TOP2B: variants seen among roughly 807,000 people sequenced by gnomAD.
TOP2B encodes the protein DNA topoisomerase II beta.
A neutral mutation model predicts 193.5 loss-of-function variants in TOP2B; 51 were observed. The ratio of observed to expected loss-of-function variants is 0.26; its 90% CI spans 0.21 to 0.33. TOP2B has a LOEUF of 0.33. Among genes scored for constraint, TOP2B ranks in the 10% least tolerant of loss-of-function variants. The pLI is 1.00. For missense variants in TOP2B, 1,378 were observed against 1,909.3 expected (o/e 0.72, Z 5.19); for synonymous variants, 634 against 635.7 (o/e 1.00, Z 0.04).
intron 1 of TOP2B, among the ~76,000 whole-genome samples, chr3:25,657,809 C>T (rs1424395534): frequency 6.6e-6 from 1 of 152,156 alleles, no homozygotes; most frequent in Non-Finnish European, 1.5e-5. Flanking sequence ...CGCCTGTAAT[C>T]CCAGCACTTT....
intron 28 of TOP2B, 90 bp downstream of exon 28, chr3:25,612,425 G>C: frequency 1.1e-6 from 1 of 939,588 alleles, no homozygotes; most frequent in Non-Finnish European, 1.5e-6. Context: ...ATAAAACAAA[G>C]CATGATTTAA....
rs1187963746 is a variant in TOP2B, at chr3:25,664,828, A to T, written c.-531T>A. 1.0e-6 allele frequency: 1 copy of T among 988,984 alleles called. No homozygotes were observed. Among genetic ancestry groups the T allele is most frequent in the African/African-American group, 1.8e-5 (1 of 56,564 alleles). The allele number at this position is 988,984 out of a possible 1,614,324, so 61.3% of individuals were successfully genotyped here. On this transcript the variant is annotated 5_prime_UTR_variant, in exon 1 of 36. Coordinates refer to ENST00000264331, the MANE Select transcript of TOP2B (RefSeq NM_001330700.2). ...AGCCCCGATTTCCTCACACACACACACCGAGAGGGACAATAAACAGAGCCG... is the reference window on the plus strand; with the variant it reads ...AGCCCCGATTTCCTCACACACACACTCCGAGAGGGACAATAAACAGAGCCG...
rs1701980872 is a variant in TOP2B, at chr3:25,598,326, T to C, written c.4862A>G (p.Asp1621Gly). The C allele has an allele frequency of 6.2e-7, 1 of 1,609,308 alleles. No individual in the cohort carries two copies. The highest frequency in any genetic ancestry group is 1.1e-5 in the South Asian group (1 of 90,032). ...GGGCACTTAATTAAACATTGCAAAATCAACATCATCTTCTTCTTCATCAGA... is the reference window on the plus strand; with the variant it reads ...GGGCACTTAATTAAACATTGCAAAACCAACATCATCTTCTTCTTCATCAGA... ...AESDEEEDDV[D>G]FAMFN Residue 1621 changes from aspartate (D) to glycine (G), a missense_variant, in exon 36 of 36, where the codon GAT becomes GGT. Around this residue, in one of 9 missense-constraint regions of TOP2B, gnomAD observed 556 missense variants for 584.2 expected, o/e 0.95. Coordinates refer to ENST00000264331, the MANE Select transcript of TOP2B (RefSeq NM_001330700.2).
At chr3:25,612,746 A>G (rs369536220) in intron 27 of TOP2B, 37 bp from the exon 28 acceptor site, 1 of 1,513,098 alleles carries the variant, frequency 6.6e-7, no homozygotes, top group African/African-American at 1.4e-5. Flanking sequence ...AACATAAACA[A>G]CTTCTTAGAA....
chr3:25,639,390 C>T (rs1046377312), intron 4 of TOP2B, among the ~76,000 whole-genome samples: 11 of 152,190 alleles, frequency 7.2e-5, no homozygotes, highest in African/African-American at 2.7e-4. Context: ...CTCACTCAAC[C>T]TCTGCCTCCT....
rs755687032 is a variant in TOP2B, at chr3:25,638,271, G to A, written c.435C>T (p.Gly145=). The part of the protein sequence containing the change: ...NIISIWNNGK[G]IPVVEHKVEK... ...CTACCTTGTGTTCTACTACTGGAAT[G>A]CCTTTCCCATTATTCCAAATGCTTA... Residue 145 remains glycine (G), a synonymous_variant, in exon 5 of 36, where the codon GGC becomes GGT. Coordinates refer to ENST00000264331, the MANE Select transcript of TOP2B (RefSeq NM_001330700.2). 1.8e-5 allele frequency: 24 copies of A among 1,311,674 alleles called. No homozygotes were observed. In the South Asian group the frequency reaches 2.2e-4, roughly 12 times the overall value. 81.3% of individuals were successfully genotyped at this position (1,311,674 alleles called of 1,614,324 possible).
Position 25,601,191 on chromosome 3 carries a change from C to A in TOP2B, c.4524G>T (p.Lys1508Asn). The A allele has an allele frequency of 6.2e-7, 1 of 1,613,728 alleles. No homozygotes were observed. The highest frequency in any genetic ancestry group is 8.5e-7 in the Non-Finnish European group (1 of 1,179,720). ...CTACTTTCTTCTGTTTTGGGGCTCT[C>A]TTGGGCTTAGGGACTGTATCTGAAG... ...KPSSDTVPKP[K>N]RAPKQKKVVE... Residue 1508 changes from lysine to asparagine, a missense_variant, in exon 34 of 36, where the codon AAG becomes AAT. Physicochemically the swap from Lys to Asn is moderately conservative, Grantham distance 94. Transcript: ENST00000264331.
chr3:25,638,328 A>T lies in TOP2B; in HGVS notation c.396-18T>A. 5 of 1,299,880 alleles carry T rather than the reference A, an allele frequency of 3.8e-6. No homozygotes were observed. In the African/African-American group the frequency reaches 5.8e-5, roughly 15 times the overall value. 80.5% of individuals were successfully genotyped at this position (1,299,880 alleles called of 1,614,324 possible). ...TAGATTCACTGTAAAAAAAAAAAAAAAAAAAAAAAAAAAAAAAAAAAAAAG... is the reference window on the plus strand; with the variant it reads ...TAGATTCACTGTAAAAAAAAAAAAATAAAAAAAAAAAAAAAAAAAAAAAAG... On this transcript the variant is annotated intron_variant, in intron 4 of 35. Coordinates refer to ENST00000264331, the MANE Select transcript of TOP2B (RefSeq NM_001330700.2).
chr3:25,648,843 C>CA (rs1703491033), intron 1 of TOP2B, among the ~76,000 whole-genome samples: 1 of 152,088 alleles, frequency 6.6e-6, no homozygotes, highest in South Asian at 2.1e-4. Context: ...GCCTGGGTGA[C>CA]AGAGCAAGAG....
At chr3:25,620,569 G>A in intron 22 of TOP2B, 113 bp downstream of exon 22, 1 of 1,135,182 alleles carries the variant, frequency 8.8e-7, no homozygotes, top group East Asian at 2.6e-5. Context: ...GAAGGTACAG[G>A]AATTTTTTAA....
Position 25,620,643 on chromosome 3 carries a change from A to G in TOP2B, c.2862+39T>C, listed in dbSNP as rs776246460. On this transcript the variant is annotated intron_variant, in intron 22 of 35. Transcript: ENST00000264331. ...CTTACCAGAAAAAATTGCTTAATAC[A>G]CTGCCCTTCCCTCAGGCAGATCACA... The G allele has an allele frequency of 2.5e-6, 4 of 1,589,972 alleles. No homozygotes were observed. In the East Asian group the frequency reaches 9.0e-5, roughly 36 times the overall value.
At chr3:25,663,287 T>C (rs1036053067) in intron 1 of TOP2B, among the ~76,000 whole-genome samples, 1 of 152,106 alleles carries the variant, frequency 6.6e-6, no homozygotes, top group African/African-American at 2.4e-5. Flanking sequence ...AAAGCTCCCT[T>C]GAGGTATTTA....
intron 15 of TOP2B, 126 bp from the exon 16 acceptor site, chr3:25,627,422 A>G (rs1702833608): frequency 9.7e-6 from 5 of 514,326 alleles, no homozygotes; most frequent in Non-Finnish European, 1.4e-5. Flanking sequence ...TAAGTGATCA[A>G]TCTTAATAAG....
chr3:25,627,559 G>C (rs1702838359), intron 15 of TOP2B, among the ~76,000 whole-genome samples: 1 of 151,962 alleles, frequency 6.6e-6, no homozygotes, highest in Non-Finnish European at 1.5e-5. Flanking sequence ...TCAGTTAACA[G>C]AAAATAAGGG....
At chr3:25,643,301 T>C (rs1350133452) in intron 3 of TOP2B, among the ~76,000 whole-genome samples, 1 of 152,196 alleles carries the variant, frequency 6.6e-6, no homozygotes, top group African/African-American at 2.4e-5. Context: ...AACAGAAATA[T>C]CTGATTTGTT....
chr3:25,657,643 C>T (rs1348107870), intron 1 of TOP2B, among the ~76,000 whole-genome samples: 1 of 152,138 alleles, frequency 6.6e-6, no homozygotes, highest in African/African-American at 2.4e-5. Flanking sequence ...ACTTTAGACC[C>T]AGAAGAGTCT....
intron 13 of TOP2B, among the ~76,000 whole-genome samples, 174 bp from the exon 14 acceptor site, chr3:25,629,319 T>C (rs1702892278): frequency 6.6e-6 from 1 of 152,108 alleles, no homozygotes; most frequent in African/African-American, 2.4e-5. Context: ...AAATAAAGAA[T>C]ATAGTAGTAA....
intron 1 of TOP2B, among the ~76,000 whole-genome samples, chr3:25,652,601 C>T (rs1298628763): frequency 6.6e-6 from 1 of 152,048 alleles, no homozygotes; most frequent in African/African-American, 2.4e-5. Context: ...AAATCACAAG[C>T]GAATTTAGAA....
At chr3:25,609,918 C>T (rs776751525) in intron 28 of TOP2B, among the ~76,000 whole-genome samples, 1 of 152,066 alleles carries the variant, frequency 6.6e-6, no homozygotes, top group Non-Finnish European at 1.5e-5. Context: ...TCTTAATTTT[C>T]CAGTACATTC....
Sources: allele counts gnomAD v4.1 joint callset (sites outside exome capture counted in the v4.1 genomes callset), GRCh38; gene constraint gnomAD v4.1.1; regional missense constraint gnomAD v4.1.1; transcripts MANE v1.5; gene names NCBI Gene and HGNC (gene_info 2026-07-23, HGNC 2026-07-21).